SMIM20: variants seen among roughly 807,000 people sequenced by gnomAD.
The protein encoded by SMIM20 is small integral membrane protein 20.
SMIM20 carries 3 observed loss-of-function variants against 8.7 expected under a neutral mutation model. The ratio of observed to expected loss-of-function variants is 0.34; its 90% confidence interval spans 0.16 to 0.89. The LOEUF (loss-of-function observed/expected upper bound fraction) is 0.89, where lower values mean the gene tolerates loss of function less well. SMIM20 is among the 40% of genes least tolerant of loss of function. The probability of loss-of-function intolerance (pLI) is 0.49; values close to 1 mark genes in which losing one functional copy is unlikely to be tolerated. For synonymous variants in SMIM20, 44 were observed against 33.6 expected, an observed-to-expected ratio of 1.31 and a Z score of -1.07; for missense variants, 85 against 84.8, an observed-to-expected ratio of 1.00 and a Z score of -0.01.
At position 25,926,471 on chromosome 4, in the gene SMIM20, G is replaced by C. The variant is rs147375098; in HGVS notation, c.110-1842G>C. Among the ~76,000 whole-genome samples, 61 of 152,356 alleles carry C rather than the reference G, an allele frequency of 4.0e-4. No homozygotes were observed. The East Asian group carries it at 9.1e-3, about 23-fold the overall frequency. The stretch of plus-strand genomic sequence containing the variant: ...CCAAACTACAGAGGTGTTTGCATTA[G>C]GACAAGGATTATAAAGAGATTATGG... On this transcript the variant is annotated intron_variant, in intron 1 of 2. Coordinates refer to ENST00000506197, the MANE Select transcript of SMIM20 (RefSeq NM_001145432.3).
chr4:25,915,857 G>C (rs1007204205), intron 1 of SMIM20, among the ~76,000 whole-genome samples: 8 of 115,624 alleles, frequency 6.9e-5, no homozygotes, highest in East Asian at 2.5e-4. Flanking sequence ...CTTGGGATGG[G>C]GCGGGGGGGG....
chr4:25,924,901 C>T (rs1247757124), intron 1 of SMIM20, among the ~76,000 whole-genome samples: 1 of 152,106 alleles, frequency 6.6e-6, no homozygotes, highest in East Asian at 1.9e-4. Flanking sequence ...CAAAATGACA[C>T]AAGTGGAAAA....
intron 1 of SMIM20, among the ~76,000 whole-genome samples, chr4:25,917,605 G>A (rs1469817942): frequency 6.6e-6 from 1 of 152,152 alleles, no homozygotes; most frequent in Non-Finnish European, 1.5e-5. Context: ...TTTTTTAGAA[G>A]AAACCTGGAT....
chr4:25,921,829 G>A (rs565997178), intron 1 of SMIM20, among the ~76,000 whole-genome samples: 31 of 152,254 alleles, frequency 2.0e-4, no homozygotes, highest in Non-Finnish European at 3.4e-4. Context: ...GAAGAGAAAG[G>A]CCCTCTAAGG....
intron 1 of SMIM20, among the ~76,000 whole-genome samples, chr4:25,922,004 A>G (rs1719211029): frequency 6.6e-6 from 1 of 152,200 alleles, no homozygotes. Context: ...AACAGAAATA[A>G]GTTAGAAGTG....
chr4:25,917,898 T>C (rs191226952), intron 1 of SMIM20, among the ~76,000 whole-genome samples: 3 of 152,104 alleles, frequency 2.0e-5, no homozygotes, highest in Non-Finnish European at 4.4e-5. Flanking sequence ...TCTCTGACAC[T>C]GGTCAAGACT....
intron 1 of SMIM20, 39 bp from the exon 2 acceptor site, chr4:25,928,274 C>A (rs1377012862): frequency 5.2e-6 from 8 of 1,540,770 alleles, no homozygotes; most frequent in African/African-American, 1.4e-5. Flanking sequence ...CTCTCCCCGC[C>A]CCCCTTCTAA....
chr4:25,924,761 G>A (rs899644336), intron 1 of SMIM20, among the ~76,000 whole-genome samples: 3 of 152,220 alleles, frequency 2.0e-5, no homozygotes, highest in Admixed American at 2.0e-4. Context: ...AAGAACAAGG[G>A]CATTCTCTTA....
intron 1 of SMIM20, among the ~76,000 whole-genome samples, chr4:25,922,271 C>T (rs529596944): frequency 4.6e-5 from 7 of 152,204 alleles, no homozygotes; most frequent in African/African-American, 1.7e-4. Context: ...AGAGAGAAGA[C>T]AGTCCGTAGA....
At chr4:25,916,217 C>A (rs1006588737) in intron 1 of SMIM20, among the ~76,000 whole-genome samples, 1 of 152,004 alleles carries the variant, frequency 6.6e-6, no homozygotes, top group African/African-American at 2.4e-5. Context: ...TTTTCTGGTT[C>A]CTTTTTGTTT....
chr4:25,925,799 G>A (rs1452875104), intron 1 of SMIM20, among the ~76,000 whole-genome samples: 1 of 152,186 alleles, frequency 6.6e-6, no homozygotes, highest in Non-Finnish European at 1.5e-5. Context: ...ATAAGGATAT[G>A]TTTTTGTTTT....
chr4:25,919,570 A>G (rs1719162612), intron 1 of SMIM20, among the ~76,000 whole-genome samples: 1 of 150,584 alleles, frequency 6.6e-6, no homozygotes, highest in Admixed American at 6.6e-5. Flanking sequence ...CTGGTCTCAA[A>G]CTCCTGAGCT....
intron 1 of SMIM20, among the ~76,000 whole-genome samples, chr4:25,926,842 A>G (rs897908709): frequency 6.6e-6 from 1 of 152,242 alleles, no homozygotes; most frequent in Non-Finnish European, 1.5e-5. Flanking sequence ...TTAGTTAGAT[A>G]CAGAAAATTA....
At chr4:25,927,949 G>T (rs919495792) in intron 1 of SMIM20, among the ~76,000 whole-genome samples, 3 of 152,316 alleles carry the variant, frequency 2.0e-5, no homozygotes, top group African/African-American at 7.2e-5. Context: ...AATTGTACTT[G>T]TTCCTTCAAT....
rs145693062 is a variant in SMIM20 at position 25,919,234 on chromosome 4, A to T, written c.109+4812A>T. On this transcript the variant is annotated intron_variant, in intron 1 of 2. Coordinates refer to ENST00000506197, the MANE Select transcript of SMIM20 (RefSeq NM_001145432.3). Reference sequence around the variant, plus strand: ...ATATCTTAAAACCAACATAAACTAGATATTTTAATCCAACCTGATAAGCTC... The same window carrying T: ...ATATCTTAAAACCAACATAAACTAGTTATTTTAATCCAACCTGATAAGCTC... Among the ~76,000 whole-genome samples, 747 of 152,230 alleles carry T rather than the reference A, an allele frequency of 4.9e-3. 3 individuals are homozygous for T. The highest frequency in any genetic ancestry group is 0.017 in the African/African-American group (711 of 41,532).
At position 25,928,377 on chromosome 4, in the gene SMIM20, GA is replaced by G. The variant is rs573783931; in HGVS notation, c.166+19del. The G allele has an allele frequency of 5.2e-3, 6,144 of 1,179,664 alleles. No individual in the cohort carries two copies. The highest frequency in any genetic ancestry group is 0.016 in the Admixed American group (616 of 37,670). The allele number at this position is 1,179,664 out of a possible 1,614,324, so 73.1% of individuals were successfully genotyped here. A position where few individuals can be genotyped will look rare whatever the true frequency, so the allele number is the denominator to read the frequency against. The stretch of plus-strand genomic sequence containing the variant: ...AGGATGTGCAGCCACCAGGTAAACT[GA>G]AAAAAAAAAATCAAAACCAAATCTT... On this transcript the variant is annotated intron_variant, in intron 2 of 2. Coordinates refer to ENST00000506197, the MANE Select transcript of SMIM20 (RefSeq NM_001145432.3).
At chr4:25,921,883 C>A (rs1719209294) in intron 1 of SMIM20, among the ~76,000 whole-genome samples, 2 of 152,050 alleles carry the variant, frequency 1.3e-5, no homozygotes, top group African/African-American at 4.8e-5. Context: ...CCAGGAGAGG[C>A]TGCAGTCACA....
intron 1 of SMIM20, among the ~76,000 whole-genome samples, chr4:25,923,366 T>C (rs1719232887): frequency 6.6e-6 from 1 of 152,214 alleles, no homozygotes; most frequent in Admixed American, 6.5e-5. Flanking sequence ...AATAAGATCA[T>C]TTTCTGTGAT....
chr4:25,916,865 G>T (rs746504820), intron 1 of SMIM20, among the ~76,000 whole-genome samples: 2 of 152,212 alleles, frequency 1.3e-5, no homozygotes, highest in Non-Finnish European at 2.9e-5. Context: ...AATGGGCAGA[G>T]CGTTTACACA....
Sources: allele counts gnomAD v4.1 joint callset (sites outside exome capture counted in the v4.1 genomes callset), GRCh38; gene constraint gnomAD v4.1.1; transcripts MANE v1.5; gene names NCBI Gene and HGNC (gene_info 2026-07-23, HGNC 2026-07-21).